Variants in KCNG1 observed in about 807,000 individuals in gnomAD.
KCNG1 encodes the protein potassium voltage-gated channel modifier subfamily G member 1, also known as voltage-gated potassium channel regulatory subunit KCNG1.
A neutral mutation model predicts 32.4 loss-of-function variants in KCNG1; 17 were observed. The observed-to-expected ratio is 0.52, with a 90% CI of 0.36 to 0.79. The LOEUF is 0.79. KCNG1 is among the 30% of genes least tolerant of loss of function. The probability of loss-of-function intolerance (pLI) is 0.00; values close to 1 mark genes in which losing one functional copy is unlikely to be tolerated. For synonymous variants in KCNG1, 358 were observed against 339.9 expected (o/e 1.05, Z -0.59); for missense variants, 441 against 735.2 (o/e 0.60, Z 4.63).
At chr20:51,012,062 G>A (rs972697674) in intron 1 of KCNG1, among the ~76,000 whole-genome samples, 1 of 152,176 alleles carries the variant, frequency 6.6e-6, no homozygotes, top group Non-Finnish European at 1.5e-5. Context: ...CAAAGTGCTG[G>A]GATTACAGGT....
At chr20:51,009,092 A>G (rs1466951339) in intron 2 of KCNG1, among the ~76,000 whole-genome samples, 1 of 152,214 alleles carries the variant, frequency 6.6e-6, no homozygotes, top group Non-Finnish European at 1.5e-5. Flanking sequence ...ACATATACCT[A>G]TCAATAAAAA....
At position 51,009,811 on chromosome 20, in the gene KCNG1, G is replaced by A. The variant is rs1444171112; in HGVS notation, c.528C>T (p.Phe176=). The A allele has an allele frequency of 6.2e-7, 1 of 1,612,978 alleles. No individual in the cohort carries two copies. Among genetic ancestry groups the A allele is most frequent in the Non-Finnish European group, 8.5e-7 (1 of 1,179,914 alleles). ...KRRYLQKIEE[F]AEMVEREEED... is the part of the protein sequence containing the mutation. ...CTTCCTCCCGCTCCACCATCTCCGC[G>A]AACTCCTCAATCTTCTGCAGGTAGC... is the stretch of plus-strand genomic sequence containing the variant. The change falls in exon 2 of 3, where the codon TTC becomes TTT. Residue 176 remains phenylalanine (F), a synonymous_variant. Coordinates refer to ENST00000371571, the MANE Select transcript of KCNG1 (RefSeq NM_002237.4).
At position 51,021,249 on chromosome 20, in the gene KCNG1, G is replaced by A. The variant is rs116598178; in HGVS notation, c.-27+1621C>T. Among the ~76,000 whole-genome samples, 685 of 152,332 alleles carry A rather than the reference G, an allele frequency of 4.5e-3. 4 individuals are homozygous for A. Among genetic ancestry groups the A allele is most frequent in the African/African-American group, 0.016 (658 of 41,566 alleles). ...CTGGCTTCGAGAATGACTGAGGAGGGTGATCCCCAGGGGCCAGCGCTTGCC... is the reference window on the plus strand; with the variant it reads ...CTGGCTTCGAGAATGACTGAGGAGGATGATCCCCAGGGGCCAGCGCTTGCC... On this transcript the variant is annotated intron_variant, in intron 1 of 2. Transcript: ENST00000371571.
chr20:51,015,712 C>T lies in KCNG1; in HGVS notation c.-26-5348G>A, dbSNP rs1162627691. On this transcript the variant is annotated intron_variant, in intron 1 of 2. Transcript: ENST00000371571. The surrounding 1 kb of genome is among the most constrained non-coding windows in gnomAD (Gnocchi z 4.4). ...TCCTAATCCCTGGAAGCTGTGACTA[C>T]GTTAGACTGCATGGAAGGAGGAACG... Among the ~76,000 whole-genome samples the T allele has an allele frequency of 2.0e-5, 3 of 152,180 alleles. No individual in the cohort carries two copies. Among genetic ancestry groups the T allele is most frequent in the Admixed American group, 6.5e-5 (1 of 15,284 alleles).
intron 2 of KCNG1, among the ~76,000 whole-genome samples, chr20:51,008,365 C>G (rs1987919854): frequency 6.6e-6 from 1 of 152,142 alleles, no homozygotes. Flanking sequence ...GAGTCTCACT[C>G]TGTCGCCCAA....
chr20:51,008,369 C>T (rs542580064), intron 2 of KCNG1, among the ~76,000 whole-genome samples: 15 of 152,218 alleles, frequency 9.9e-5, no homozygotes, highest in African/African-American at 2.4e-4. Flanking sequence ...CTCACTCTGT[C>T]GCCCAAGCAG....
rs1188405230 is a variant in KCNG1, at chr20:51,010,218, G to A, written c.121C>T (p.Arg41Cys). The A allele has an allele frequency of 6.4e-7, 1 of 1,574,042 alleles. No individual in the cohort carries two copies. Among genetic ancestry groups the A allele is most frequent in the Non-Finnish European group, 8.6e-7 (1 of 1,164,266 alleles). ...TGCGGCCGCAGCCGCTGCGCCCGGCGGTAGAACGCGCCCTTGATGGCCTGG... is the reference window on the plus strand; with the variant it reads ...TGCGGCCGCAGCCGCTGCGCCCGGCAGTAGAACGCGCCCTTGATGGCCTGG... Reference protein sequence around the residue: ...QRQAIKGAFYRRAQRLRPQDE... With the variant: ...QRQAIKGAFYCRAQRLRPQDE... Residue 41 changes from arginine to cysteine, a missense_variant, in exon 2 of 3, where the codon CGC becomes TGC. Physicochemically the swap from Arg to Cys is radical, Grantham distance 180 (BLOSUM62 -3). This residue lies in a region of KCNG1 where 85 missense variants were observed against 98.2 expected (regional missense o/e 0.87). Coordinates refer to ENST00000371571, the MANE Select transcript of KCNG1 (RefSeq NM_002237.4).
In KCNG1 at chr20:51,004,906, G is replaced by T; in HGVS notation, c.775-100C>A. ...GCCCTGCTGGGCTTCCCAGGCGGAA[G>T]GTGACCTCTCCAGGTTGAGTGGCCC... is the stretch of plus-strand genomic sequence containing the variant. On this transcript the variant is annotated intron_variant, in intron 2 of 2. Coordinates refer to ENST00000371571, the MANE Select transcript of KCNG1 (RefSeq NM_002237.4). The surrounding 1 kb of genome is among the most constrained non-coding windows in gnomAD (Gnocchi z 4.3). 2 of 1,283,738 alleles carry T rather than the reference G, an allele frequency of 1.6e-6. No homozygotes were observed. The highest frequency in any genetic ancestry group is 1.0e-6 in the Non-Finnish European group (1 of 956,646). 79.5% of individuals were successfully genotyped at this position (1,283,738 alleles called of 1,614,324 possible). A position where few individuals can be genotyped will look rare whatever the true frequency, so the allele number is the denominator to read the frequency against.
intron 1 of KCNG1, among the ~76,000 whole-genome samples, chr20:51,014,844 G>C (rs1212638828): frequency 1.3e-5 from 2 of 152,216 alleles, no homozygotes; most frequent in Non-Finnish European, 2.9e-5. Flanking sequence ...GAGGGGACAT[G>C]GGGTTGAGCC....
chr20:51,019,511 A>C (rs1330860935), intron 1 of KCNG1, among the ~76,000 whole-genome samples: 3 of 150,996 alleles, frequency 2.0e-5, no homozygotes, highest in Admixed American at 6.6e-5. Context: ...CCCTGTCTTC[A>C]AAAATAATAA....
chr20:51,009,537 C>T (rs17198444), intron 2 of KCNG1, 28 bp downstream of exon 2: 1 of 1,551,030 alleles, frequency 6.4e-7, no homozygotes, highest in South Asian at 1.2e-5. Context: ...CGTGGTGGCG[C>T]GTTTCCCCGC....
rs1987713670 is a variant in KCNG1, at chr20:51,003,949, G to A, written c.*90C>T. On this transcript the variant is annotated 3_prime_UTR_variant, in exon 3 of 3. Coordinates refer to ENST00000371571, the MANE Select transcript of KCNG1 (RefSeq NM_002237.4). ...TCGGTGCTGCGCCAGGACTGCACTC[G>A]GAAGCGGCCTGTCCCTCTCCAGGCG... 8.9e-6 allele frequency: 13 copies of A among 1,453,254 alleles called. No individual in the cohort carries two copies. Among genetic ancestry groups the A allele is most frequent in the Admixed American group, 1.9e-5 (1 of 54,030 alleles). The allele number at this position is 1,453,254 out of a possible 1,614,324, so 90.0% of individuals were successfully genotyped here.
rs894718328 is a variant in KCNG1, at chr20:51,005,511, C to A, written c.775-705G>T. On this transcript the variant is annotated intron_variant, in intron 2 of 2. Coordinates refer to ENST00000371571, the MANE Select transcript of KCNG1 (RefSeq NM_002237.4). This position sits in a 1 kb window ranked among gnomAD's most constrained non-coding sequence, Gnocchi z 4.0. ...TTAGGCTGAGGCTGCCTCACCGAAG[C>A]TTTCAAAAGAGGCTGGAAATGTGCA... 3.9e-5 allele frequency: 6 copies of A among 152,272 alleles called. No homozygotes were observed. Among genetic ancestry groups the A allele is most frequent in the African/African-American group, 1.4e-4 (6 of 41,446 alleles). The allele number at this position is 152,272 out of a possible 1,614,324, so 9.4% of individuals were successfully genotyped here. A position where few individuals can be genotyped will look rare whatever the true frequency, so the allele number is the denominator to read the frequency against.
At position 51,009,970 on chromosome 20, in the gene KCNG1, G is replaced by C. The variant is rs376845613; in HGVS notation, c.369C>G (p.Ala123=). ...NEFFFDRNPG[A]FGTILTFLRA... is the part of the protein sequence containing the mutation. ...GCAGGAAGGTCAGGATAGTGCCGAA[G>C]GCCCCCGGGTTGCGGTCGAAGAAGA... The change falls in exon 2 of 3, where the codon GCC becomes GCG. Residue 123 remains alanine, a synonymous_variant. Transcript: ENST00000371571. 13 of 1,613,868 alleles carry C rather than the reference G, an allele frequency of 8.1e-6. No homozygotes were observed. The African/African-American group carries it at 1.6e-4, about 20-fold the overall frequency.
intron 1 of KCNG1, among the ~76,000 whole-genome samples, chr20:51,021,565 G>A (rs1201653245): frequency 6.6e-6 from 1 of 152,148 alleles, no homozygotes; most frequent in African/African-American, 2.4e-5. Flanking sequence ...TCATAGGGCA[G>A]GAACTTCCCC....
chr20:51,010,079 G>T lies in KCNG1; in HGVS notation c.260C>A (p.Thr87Lys). ...GCAGGCCTTGAGCTGGCCCAGGCGC[G>T]TCAGCGGGAACTCGTCCAGCGTGGT... The part of the protein sequence containing the change: ...PWTTLDEFPL[T>K]RLGQLKACTN... Residue 87 changes from threonine (T) to lysine (K), a missense_variant, in exon 2 of 3, where the codon ACG becomes AAG. By Grantham distance (78) the Thr-to-Lys change is moderately conservative (BLOSUM62 -1). This residue lies in a region of KCNG1 where 70 missense variants were observed against 158.4 expected (regional missense o/e 0.44). Coordinates refer to ENST00000371571, the MANE Select transcript of KCNG1 (RefSeq NM_002237.4). 6.2e-7 allele frequency: 1 copy of T among 1,614,050 alleles called. No homozygotes were observed. Among genetic ancestry groups the T allele is most frequent in the Non-Finnish European group, 8.5e-7 (1 of 1,180,000 alleles).
Position 51,023,027 on chromosome 20 carries a change from C to G in KCNG1, c.-184G>C, listed in dbSNP as rs943469370. The G allele has an allele frequency of 6.6e-6, 1 of 152,272 alleles. No homozygotes were observed. The highest frequency in any genetic ancestry group is 2.4e-5 in the African/African-American group (1 of 41,464). The allele number at this position is 152,272 out of a possible 1,614,324, so 9.4% of individuals were successfully genotyped here. A position where few individuals can be genotyped will look rare whatever the true frequency, so the allele number is the denominator to read the frequency against. On this transcript the variant is annotated 5_prime_UTR_variant, in exon 1 of 3. Transcript: ENST00000371571. ...CCCGGAGCCGCCGCCAAACTTCGGT[C>G]CCGGGGCCCGGCTCAGCTCCCGCCC...
At position 51,015,092 on chromosome 20, in the gene KCNG1, T is replaced by C. The variant is rs1988230463; in HGVS notation, c.-26-4728A>G. ...AGTCCATGTGTGCCTGCCAGGTCAG[T>C]GGACAACGAGTGGGCTGGGGAGCCC... On this transcript the variant is annotated intron_variant, in intron 1 of 2. Coordinates refer to ENST00000371571, the MANE Select transcript of KCNG1 (RefSeq NM_002237.4). This position sits in a 1 kb window ranked among gnomAD's most constrained non-coding sequence, Gnocchi z 4.4. Among the ~76,000 whole-genome samples, 1 of 152,036 alleles carries C rather than the reference T, an allele frequency of 6.6e-6. No individual in the cohort carries two copies. The highest frequency in any genetic ancestry group is 1.5e-5 in the Non-Finnish European group (1 of 68,008).
Position 51,009,574 on chromosome 20 carries a change from C to G in KCNG1, c.765G>C (p.Glu255Asp). The change falls in exon 2 of 3, where the codon GAG (glutamate) becomes GAC (aspartate). Residue 255 changes from glutamate to aspartate, a missense_variant. Around this residue, in one of 6 missense-constraint regions of KCNG1, gnomAD observed 169 missense variants for 297.7 expected, o/e 0.57. Coordinates refer to ENST00000371571, the MANE Select transcript of KCNG1 (RefSeq NM_002237.4). ...GGGCGTGGGCTCTTACCTGCTCCTC[C>G]TCCTCCCTCAGGCTGGGCAAGGTGC... is the stretch of plus-strand genomic sequence containing the variant. ...SVSTLPSLRE[E>D]EEQGHCSQMC... 1 of 1,603,392 alleles carries G rather than the reference C, an allele frequency of 6.2e-7. No homozygotes were observed. Among genetic ancestry groups the G allele is most frequent in the Non-Finnish European group, 8.5e-7 (1 of 1,176,106 alleles).
Sources: allele counts gnomAD v4.1 joint callset (sites outside exome capture counted in the v4.1 genomes callset), GRCh38; gene constraint gnomAD v4.1.1; regional missense constraint gnomAD v4.1.1; non-coding constraint Gnocchi (gnomAD v3.1); transcripts MANE v1.5; gene names NCBI Gene and HGNC (gene_info 2026-07-23, HGNC 2026-07-21).